Variants in POU6F2 observed in about 807,000 individuals in gnomAD.
The protein encoded by POU6F2 is POU domain, class 6, transcription factor 2.
In POU6F2, 31 loss-of-function variants were observed where a neutral mutation model predicts 71.3. The observed-to-expected ratio is 0.43, with a 90% CI of 0.33 to 0.59. The LOEUF is 0.59. POU6F2 is among the 20% of genes least tolerant of loss of function. The pLI is 0.04. For synonymous variants in POU6F2, 347 were observed against 355.7 expected, an observed-to-expected ratio of 0.98 and a Z score of 0.27; for missense variants, 783 against 856.8, an observed-to-expected ratio of 0.91 and a Z score of 1.07.
At chr7:39,185,798 CATATATATATGTATATGTATATGT>C (rs1473118323) in intron 2 of POU6F2, among the ~76,000 whole-genome samples, 1 of 141,266 alleles carries the variant, frequency 7.1e-6, no homozygotes, top group Non-Finnish European at 1.5e-5. Flanking sequence ...ACTTGGTATA[CATATATATATGTATATGTATATGT>C]ATATGTATAT....
At chr7:39,051,370 T>C (rs1013249415) in intron 1 of POU6F2, among the ~76,000 whole-genome samples, 1 of 152,094 alleles carries the variant, frequency 6.6e-6, no homozygotes, top group Non-Finnish European at 1.5e-5. Context: ...TTACAGTATA[T>C]GTTTGAGTAG....
At chr7:39,271,810 A>G (rs1450270368) in intron 4 of POU6F2, among the ~76,000 whole-genome samples, 1 of 151,828 alleles carries the variant, frequency 6.6e-6, no homozygotes, top group Non-Finnish European at 1.5e-5. Context: ...TCGTCATTCA[A>G]CTTATTTTAT....
intron 6 of POU6F2, among the ~76,000 whole-genome samples, chr7:39,411,978 G>A (rs901737035): frequency 1.1e-4 from 17 of 152,202 alleles, no homozygotes; most frequent in South Asian, 2.1e-4. Context: ...GCAACATGAC[G>A]TTCAGATGGA....
chr7:39,239,218 A>G (rs986401635), intron 4 of POU6F2, among the ~76,000 whole-genome samples: 3 of 152,114 alleles, frequency 2.0e-5, no homozygotes, highest in Admixed American at 6.6e-5. Flanking sequence ...ATTTTCCACC[A>G]CTGACTAGTG....
At chr7:39,204,439 T>C (rs148422538) in intron 3 of POU6F2, 113 bp downstream of exon 3, 1 of 808,370 alleles carries the variant, frequency 1.2e-6, no homozygotes, top group South Asian at 3.0e-5. Flanking sequence ...AGAGCAAAGA[T>C]GGTAATAAAT....
chr7:39,185,247 G>A (rs967796219), intron 2 of POU6F2, among the ~76,000 whole-genome samples: 4 of 152,060 alleles, frequency 2.6e-5, no homozygotes, highest in African/African-American at 9.7e-5. Flanking sequence ...AGTGTACTAA[G>A]GACAAGAATG....
intron 6 of POU6F2, among the ~76,000 whole-genome samples, chr7:39,420,026 T>G (rs1432198590): frequency 3.3e-5 from 5 of 152,252 alleles, no homozygotes; most frequent in African/African-American, 1.2e-4. Context: ...AACTGTTGAT[T>G]TCCTCTGATG....
At position 39,261,067 on chromosome 7, in the gene POU6F2, A is replaced by G. The variant is rs200633595; in HGVS notation, c.598+53447A>G. Among the ~76,000 whole-genome samples, 14 of 28,324 alleles carry G rather than the reference A, an allele frequency of 4.9e-4. No homozygotes were observed. In the East Asian group the frequency reaches 9.8e-3, roughly 20 times the overall value. 18.6% of individuals were successfully genotyped at this position (28,324 alleles called of 152,430 possible). Reference sequence around the variant, plus strand: ...ATCTACATAACACATACACACATGCACACACACACACACACACACACACAC... The same window carrying G: ...ATCTACATAACACATACACACATGCGCACACACACACACACACACACACAC... On this transcript the variant is annotated intron_variant, in intron 4 of 9. Transcript: ENST00000518318.
chr7:39,258,810 C>A (rs1413722379), intron 4 of POU6F2, among the ~76,000 whole-genome samples: 1 of 151,972 alleles, frequency 6.6e-6, no homozygotes, highest in Non-Finnish European at 1.5e-5. Context: ...CTACAAACCA[C>A]CTTGCTCATT....
intron 2 of POU6F2, among the ~76,000 whole-genome samples, chr7:39,135,117 G>A (rs1792363945): frequency 6.6e-6 from 1 of 152,140 alleles, no homozygotes; most frequent in Admixed American, 6.5e-5. Flanking sequence ...AACAAGACAT[G>A]AGCTTCTGAT....
chr7:39,412,778 CTTTTTTTTTTTTTTTTTTTTTTT>C lies in POU6F2; in HGVS notation c.1113+6057_1113+6079del, dbSNP rs1166811956. Among the ~76,000 whole-genome samples the C allele has an allele frequency of 3.6e-3, 84 of 23,188 alleles. 1 individual carries two copies. Among genetic ancestry groups the C allele is most frequent in the African/African-American group, 7.1e-3 (61 of 8,564 alleles). 15.2% of individuals were successfully genotyped at this position (23,188 alleles called of 152,430 possible). On this transcript the variant is annotated intron_variant, in intron 6 of 9. Coordinates refer to ENST00000518318, the MANE Select transcript of POU6F2 (RefSeq NM_001370959.1). ...TCCGTATTAGCTTCAGTTTTCTTGC[CTTTTTTTTTTTTTTTTTTTTTTT>C]TTTTTTTTTTTTTTTTTTGAGACGG...
chr7:39,357,814 G>A (rs1282706275), intron 5 of POU6F2, among the ~76,000 whole-genome samples: 1 of 152,182 alleles, frequency 6.6e-6, no homozygotes, highest in African/African-American at 2.4e-5. Context: ...GGAGGGGAAG[G>A]GGCAAAGGGT....
chr7:39,225,423 C>A (rs1794443384), intron 4 of POU6F2, among the ~76,000 whole-genome samples: 1 of 152,186 alleles, frequency 6.6e-6, no homozygotes, highest in Non-Finnish European at 1.5e-5. Flanking sequence ...AACAAAAGCA[C>A]AAGATTACCT....
At chr7:39,227,428 G>A (rs1794488422) in intron 4 of POU6F2, among the ~76,000 whole-genome samples, 1 of 152,126 alleles carries the variant, frequency 6.6e-6, no homozygotes, top group Admixed American at 6.5e-5. Flanking sequence ...TGTAACTACA[G>A]AGGTGCTTCT....
chr7:39,314,156 C>T (rs1785218707), intron 4 of POU6F2, among the ~76,000 whole-genome samples: 1 of 152,230 alleles, frequency 6.6e-6, no homozygotes. Flanking sequence ...CTGGCTTCCT[C>T]ACCCAGTTCC....
At chr7:39,223,931 C>T (rs1297083030) in intron 4 of POU6F2, among the ~76,000 whole-genome samples, 2 of 152,114 alleles carry the variant, frequency 1.3e-5, no homozygotes, top group Admixed American at 1.3e-4. Context: ...CTATCCAATC[C>T]TATATATCTA....
intron 8 of POU6F2, among the ~76,000 whole-genome samples, chr7:39,457,468 G>C (rs568823015): frequency 2.0e-5 from 3 of 152,294 alleles, no homozygotes; most frequent in South Asian, 2.1e-4. Context: ...CTGCTCCGGA[G>C]CCCCTCCTCA....
intron 1 of POU6F2, among the ~76,000 whole-genome samples, chr7:39,029,494 G>T (rs996461594): frequency 1.1e-5 from 1 of 90,672 alleles, no homozygotes; most frequent in Admixed American, 1.3e-4. Context: ...ATTTCTGGGA[G>T]GGGGGGGTGG....
intron 5 of POU6F2, among the ~76,000 whole-genome samples, chr7:39,401,504 T>C (rs1787302897): frequency 6.6e-6 from 1 of 152,222 alleles, no homozygotes; most frequent in Non-Finnish European, 1.5e-5. Context: ...CCAGTATTTG[T>C]CTACTGATAA....
Sources: allele counts gnomAD v4.1 joint callset (sites outside exome capture counted in the v4.1 genomes callset), GRCh38; gene constraint gnomAD v4.1.1; transcripts MANE v1.5; gene names NCBI Gene and HGNC (gene_info 2026-07-23, HGNC 2026-07-21).